Variants in TNFSF4 observed in about 807,000 individuals in gnomAD.
The protein encoded by TNFSF4 is tumor necrosis factor ligand superfamily member 4.
A neutral mutation model predicts 7.3 loss-of-function variants in TNFSF4; 4 were observed. The observed-to-expected ratio is 0.55, with a 90% confidence interval of 0.27 to 1.25. The LOEUF is 1.25. TNFSF4 is among the 50% of genes most tolerant of loss of function. The pLI is 0.12. For missense variants in TNFSF4, 181 were observed against 208.8 expected (o/e 0.87, Z 0.82); for synonymous variants, 76 against 83.7 (o/e 0.91, Z 0.50).
chr1:173,370,414 T>C, the TNFSF4 span, among the ~76,000 whole-genome samples: 2 of 152,294 alleles, frequency 1.3e-5, no homozygotes, highest in African/African-American at 2.4e-5. Flanking sequence ...ACTCATATCA[T>C]TGCGACTGGA....
At chr1:173,370,691 C>G in the TNFSF4 span, among the ~76,000 whole-genome samples, 1 of 152,074 alleles carries the variant, frequency 6.6e-6, no homozygotes, top group African/African-American at 2.4e-5. Context: ...GGGCCCTGAA[C>G]AAAATCTGGA....
At chr1:173,416,638 T>TATTTATTTATTTTTTGAGAGA in the TNFSF4 span, among the ~76,000 whole-genome samples, 33 of 110,132 alleles carry the variant, frequency 3.0e-4, no homozygotes, top group African/African-American at 1.1e-3. Flanking sequence ...ATTTATTTTT[T>TATTTATTTATTTTTTGAGAGA]GAGAGAGAGA....
chr1:173,279,227 TC>T, the TNFSF4 span, among the ~76,000 whole-genome samples: 1 of 152,098 alleles, frequency 6.6e-6, no homozygotes, highest in Non-Finnish European at 1.5e-5. Context: ...TTCTCACCTT[TC>T]TTTTGATCTT....
the TNFSF4 span, among the ~76,000 whole-genome samples, chr1:173,394,509 A>G: frequency 1.3e-5 from 2 of 152,284 alleles, no homozygotes; most frequent in Admixed American, 1.3e-4. Context: ...TGCCTGTGAG[A>G]GTATTTATAG....
At chr1:173,315,578 C>A in the TNFSF4 span, among the ~76,000 whole-genome samples, 1 of 152,056 alleles carries the variant, frequency 6.6e-6, no homozygotes, top group Non-Finnish European at 1.5e-5. Context: ...TTCAAGTATA[C>A]CCTAAATTGT....
upstream of TNFSF4, among the ~76,000 whole-genome samples, chr1:173,208,595 A>G (rs1650277322): frequency 6.6e-6 from 1 of 152,212 alleles, no homozygotes. Context: ...TTTAAGTTTT[A>G]TCTGAAAGAT....
At chr1:173,352,507 G>A in the TNFSF4 span, among the ~76,000 whole-genome samples, 2 of 152,192 alleles carry the variant, frequency 1.3e-5, no homozygotes, top group Non-Finnish European at 2.9e-5. Context: ...TGCCCCCTGA[G>A]CTGTAAAACC....
chr1:173,290,314 C>T, the TNFSF4 span, among the ~76,000 whole-genome samples: 2 of 152,152 alleles, frequency 1.3e-5, no homozygotes, highest in African/African-American at 4.8e-5. Context: ...GATAAGGGAG[C>T]AAGACCCGAC....
At chr1:173,215,847 T>G in the TNFSF4 span, among the ~76,000 whole-genome samples, 1 of 152,176 alleles carries the variant, frequency 6.6e-6, no homozygotes, top group Non-Finnish European at 1.5e-5. Context: ...GGACAATGTT[T>G]ACACCCATTA....
At chr1:173,222,506 G>T in the TNFSF4 span, among the ~76,000 whole-genome samples, 1 of 152,176 alleles carries the variant, frequency 6.6e-6, no homozygotes, top group African/African-American at 2.4e-5. Context: ...CTCAGAGGAA[G>T]GACTGGTTTA....
intron 1 of TNFSF4, among the ~76,000 whole-genome samples, chr1:173,204,163 A>G (rs546302835): frequency 5.3e-5 from 8 of 152,198 alleles, no homozygotes; most frequent in Non-Finnish European, 8.8e-5. Context: ...CATAAGCTTA[A>G]ACACAAATAT....
At chr1:173,225,983 T>C in the TNFSF4 span, among the ~76,000 whole-genome samples, 1 of 152,238 alleles carries the variant, frequency 6.6e-6, no homozygotes, top group African/African-American at 2.4e-5. Flanking sequence ...TCACTGTGTT[T>C]TATTCATTTT....
At chr1:173,253,185 T>A in the TNFSF4 span, among the ~76,000 whole-genome samples, 2 of 152,070 alleles carry the variant, frequency 1.3e-5, no homozygotes, top group Admixed American at 1.3e-4. Context: ...GCTATCAGGC[T>A]TTTTTTTCTT....
At chr1:173,428,997 ACT>A in the TNFSF4 span, among the ~76,000 whole-genome samples, 1 of 151,608 alleles carries the variant, frequency 6.6e-6, no homozygotes, top group Non-Finnish European at 1.5e-5. Flanking sequence ...ACAGAGCAAG[ACT>A]CTGTCTAAGG....
chr1:173,402,153 T>C, the TNFSF4 span, among the ~76,000 whole-genome samples: 4 of 152,216 alleles, frequency 2.6e-5, no homozygotes, highest in South Asian at 2.1e-4. Context: ...TCTATTCTTT[T>C]ACCCTAGGTC....
chr1:173,317,483 A>G, the TNFSF4 span, among the ~76,000 whole-genome samples: 1 of 152,226 alleles, frequency 6.6e-6, no homozygotes, highest in African/African-American at 2.4e-5. Flanking sequence ...ATGGTCCTTC[A>G]CCCCACCCAG....
the TNFSF4 span, among the ~76,000 whole-genome samples, chr1:173,436,868 G>A: frequency 0.015 from 2,332 of 152,262 alleles, 63 homozygotes; most frequent in African/African-American, 0.054. Context: ...CAACTTGATA[G>A]GGATAAAATG....
At chr1:173,388,592 A>G in the TNFSF4 span, among the ~76,000 whole-genome samples, 1 of 152,224 alleles carries the variant, frequency 6.6e-6, no homozygotes, top group African/African-American at 2.4e-5. Context: ...TGATATCACA[A>G]CGGACTGGAT....
chr1:173,290,703 A>T, the TNFSF4 span, among the ~76,000 whole-genome samples: 2 of 152,272 alleles, frequency 1.3e-5, no homozygotes, highest in Admixed American at 1.3e-4. Flanking sequence ...GATATTCCAG[A>T]CTTAAACCTG....
Sources: allele counts gnomAD v4.1 joint callset (sites outside exome capture counted in the v4.1 genomes callset), GRCh38; gene constraint gnomAD v4.1.1; transcripts MANE v1.5; gene names NCBI Gene and HGNC (gene_info 2026-07-23, HGNC 2026-07-21).